MYOM1: variants seen among roughly 807,000 people sequenced by gnomAD.
MYOM1 encodes myomesin-1.
In MYOM1, 164 loss-of-function variants were observed where a neutral mutation model predicts 205.3. The observed-to-expected ratio is 0.80, with a 90% CI of 0.70 to 0.91. MYOM1 has a LOEUF of 0.91. Ranked by LOEUF, MYOM1 falls within the 40% of genes least tolerant of loss-of-function variation. The probability of loss-of-function intolerance (pLI) is 0.00; values close to 1 mark genes in which losing one functional copy is unlikely to be tolerated. For synonymous variants in MYOM1, 772 were observed against 789.4 expected (o/e 0.98, Z 0.37); for missense variants, 2,011 against 2,127.3 (o/e 0.95, Z 1.08).
In MYOM1 at chr18:3,067,386, C is replaced by A. The variant is rs760168112; in HGVS notation, c.4934G>T (p.Gly1645Val). The change falls in exon 38 of 38, where the codon GGG (glycine) becomes GTG (valine). Residue 1645 changes from glycine to valine, a missense_variant. Physicochemically the swap from Gly to Val is moderately radical, Grantham distance 109. Transcript: ENST00000356443. ...GCCATACTTGTTCTTCACAACCAGC[C>A]CGTATTTGCCCGAGTCAGCGGTGCT... ...GVSTADSGKYGLVVKNKYGSE... is the reference protein window; with the variant it reads ...GVSTADSGKYVLVVKNKYGSE... 6.2e-7 allele frequency: 1 copy of A among 1,613,220 alleles called. No individual in the cohort carries two copies. The highest frequency in any genetic ancestry group is 8.5e-7 in the Non-Finnish European group (1 of 1,179,902).
the MYOM1 span, among the ~76,000 whole-genome samples, chr18:3,229,846 G>A: frequency 6.6e-6 from 1 of 152,112 alleles, no homozygotes; most frequent in East Asian, 1.9e-4. Context: ...GTGCATGCCT[G>A]TAATCCCAGC....
chr18:3,073,888 C>T (rs1011805042), intron 36 of MYOM1, among the ~76,000 whole-genome samples: 2 of 152,258 alleles, frequency 1.3e-5, no homozygotes, highest in African/African-American at 4.8e-5. Flanking sequence ...GTTTTCCTTT[C>T]GCTTAATAAA....
intron 3 of MYOM1, among the ~76,000 whole-genome samples, chr18:3,193,463 C>T (rs1446744951): frequency 6.6e-6 from 1 of 151,780 alleles, no homozygotes; most frequent in Non-Finnish European, 1.5e-5. Flanking sequence ...ACAAGCATCC[C>T]AGGATCCACT....
chr18:3,083,772 A>C lies in MYOM1; in HGVS notation c.4484+17T>G. ...GGAAAGAATTTCTACACAGCAAGTA[A>C]GTTCTCATTTACTTACTTGTGGGAC... On this transcript the variant is annotated intron_variant, in intron 33 of 37. Transcript: ENST00000356443. 6.5e-7 allele frequency: 1 copy of C among 1,545,356 alleles called. No homozygotes were observed. Among genetic ancestry groups the C allele is most frequent in the Non-Finnish European group, 8.8e-7 (1 of 1,140,040 alleles).
chr18:3,226,209 G>A, the MYOM1 span, among the ~76,000 whole-genome samples: 5 of 152,186 alleles, frequency 3.3e-5, no homozygotes, highest in African/African-American at 1.2e-4. This position sits in a 1 kb window ranked among gnomAD's most constrained non-coding sequence, Gnocchi z 4.6. Context: ...TGGTGCACGG[G>A]TTGGAGAGTA....
At chr18:3,085,194 T>C in intron 30 of MYOM1, 62 bp from the exon 31 acceptor site, 1 of 231,058 alleles carries the variant, frequency 4.3e-6, no homozygotes, top group Non-Finnish European at 6.6e-6. Context: ...GTATCTGTGA[T>C]TTTTTTTTTT....
At chr18:3,202,795 C>T (rs193174227) in intron 2 of MYOM1, among the ~76,000 whole-genome samples, 87 of 152,182 alleles carry the variant, frequency 5.7e-4, no homozygotes, top group African/African-American at 2.0e-3. Flanking sequence ...TTGCAAAACA[C>T]TATCAATCAC....
intron 5 of MYOM1, among the ~76,000 whole-genome samples, chr18:3,176,676 T>A (rs2080645100): frequency 6.6e-6 from 1 of 152,030 alleles, no homozygotes; most frequent in Non-Finnish European, 1.5e-5. Flanking sequence ...AGGTCAGGAG[T>A]TTGAGACCAG....
intron 1 of MYOM1, among the ~76,000 whole-genome samples, chr18:3,217,359 T>A (rs1283398551): frequency 2.0e-5 from 3 of 152,230 alleles, no homozygotes; most frequent in Non-Finnish European, 4.4e-5. Context: ...AAGAAAGAGA[T>A]GACTCCAAGG....
the MYOM1 span, among the ~76,000 whole-genome samples, chr18:3,232,888 TA>T: frequency 6.6e-6 from 1 of 152,260 alleles, no homozygotes; most frequent in African/African-American, 2.4e-5. Context: ...TTTCTATTAA[TA>T]TTTTTCATTC....
At chr18:3,125,066 A>T (rs183099114) in intron 19 of MYOM1, among the ~76,000 whole-genome samples, 9 of 152,332 alleles carry the variant, frequency 5.9e-5, no homozygotes, top group African/African-American at 2.2e-4. Context: ...GGATGTTCAA[A>T]CTCATTTGAC....
rs766318054 is a variant in MYOM1, at chr18:3,166,897, G to A, written c.1339+1920C>T. Among the ~76,000 whole-genome samples, 21 of 152,030 alleles carry A rather than the reference G, an allele frequency of 1.4e-4. 1 individual carries two copies. Among genetic ancestry groups the A allele is most frequent in the Admixed American group, 2.0e-4 (3 of 15,280 alleles). ...TTTTTAAGAGCTTTAAAACATAATC[G>A]TCTCTATAAATAAACCTAGAGAAAA... is the stretch of plus-strand genomic sequence containing the variant. On this transcript the variant is annotated intron_variant, in intron 9 of 37. Coordinates refer to ENST00000356443, the MANE Select transcript of MYOM1 (RefSeq NM_003803.4).
intron 10 of MYOM1, among the ~76,000 whole-genome samples, chr18:3,158,706 C>T (rs2080337629): frequency 6.6e-6 from 1 of 152,100 alleles, no homozygotes; most frequent in Admixed American, 6.6e-5. Flanking sequence ...TTTGACCTCC[C>T]AGGCTCAAGC....
In MYOM1 at chr18:3,087,488, C is replaced by CTT. The variant is rs5822735; in HGVS notation, c.4138-1339_4138-1338dup. ...TGCAAGCTAGGGTTCCTCCTACGTT[C>CTT]TTTTTTTTTTTTTTTTTTTGAGACA... On this transcript the variant is annotated intron_variant, in intron 29 of 37. Transcript: ENST00000356443. Among the ~76,000 whole-genome samples, 825 of 122,670 alleles carry CTT rather than the reference C, an allele frequency of 6.7e-3. 13 individuals are homozygous for CTT. The highest frequency in any genetic ancestry group is 0.024 in the African/African-American group (771 of 32,708). 80.5% of individuals were successfully genotyped at this position (122,670 alleles called of 152,430 possible). A position where few individuals can be genotyped will look rare whatever the true frequency, so the allele number is the denominator to read the frequency against.
At position 3,134,572 on chromosome 18, in the gene MYOM1, C is replaced by T. The variant is rs2079925193; in HGVS notation, c.2384+78G>A. 3.5e-6 allele frequency: 5 copies of T among 1,433,356 alleles called. 1 individual carries two copies. The East Asian group carries it at 1.2e-4, about 34-fold the overall frequency. The allele number at this position is 1,433,356 out of a possible 1,614,324, so 88.8% of individuals were successfully genotyped here. ...TAAAATTTTTTAAAAAAATCTCCTCCATTGGATGTCTGTGTGCCGTATGTG... is the reference window on the plus strand; with the variant it reads ...TAAAATTTTTTAAAAAAATCTCCTCTATTGGATGTCTGTGTGCCGTATGTG... On this transcript the variant is annotated intron_variant, in intron 16 of 37. Transcript: ENST00000356443.
At chr18:3,136,060 T>A (rs191884501) in intron 14 of MYOM1, among the ~76,000 whole-genome samples, 9 of 152,234 alleles carry the variant, frequency 5.9e-5, no homozygotes, top group Admixed American at 5.9e-4. Flanking sequence ...CTCGTGGTAG[T>A]GAGTAAGTCT....
At chr18:3,123,058 T>A (rs1049663677) in intron 19 of MYOM1, among the ~76,000 whole-genome samples, 1 of 152,066 alleles carries the variant, frequency 6.6e-6, no homozygotes, top group Non-Finnish European at 1.5e-5. Context: ...AACTCCCGGG[T>A]TGAAGCAATC....
At chr18:3,141,140 G>A (rs966821041) in intron 14 of MYOM1, among the ~76,000 whole-genome samples, 4 of 152,120 alleles carry the variant, frequency 2.6e-5, no homozygotes, top group Non-Finnish European at 5.9e-5. Context: ...TGTGCCTTGC[G>A]TGGCCGGCTC....
rs375287244 is a variant in MYOM1, at chr18:3,141,012, A to C, written c.2025+927T>G. Among the ~76,000 whole-genome samples the C allele has an allele frequency of 2.6e-4, 39 of 152,334 alleles. 1 individual carries two copies. In the South Asian group the frequency reaches 7.7e-3, roughly 30 times the overall value. ...TCTTTCATTTTCTCAATTATATCCT[A>C]ATCAGAACCTTTTTAACAAATGGAT... On this transcript the variant is annotated intron_variant, in intron 14 of 37. Coordinates refer to ENST00000356443, the MANE Select transcript of MYOM1 (RefSeq NM_003803.4).
Sources: gnomAD v4.1 joint callset for allele counts (sites outside exome capture counted in the v4.1 genomes callset) on GRCh38, gnomAD v4.1.1 for gene constraint, Gnocchi (gnomAD v3.1) non-coding constraint, MANE v1.5 for transcripts, NCBI Gene and HGNC (gene_info 2026-07-23, HGNC 2026-07-21) for gene names.